The following NXN variants were observed in gnomAD, a reference collection of about 807,000 sequenced individuals.
NXN encodes nucleoredoxin 1.
In NXN, 16 loss-of-function variants were observed where a neutral mutation model predicts 48.6. The observed-to-expected ratio is 0.33, with a 90% CI of 0.22 to 0.50. The LOEUF is 0.50. Ranked by LOEUF, NXN falls within the 20% of genes least tolerant of loss-of-function variation. The pLI is 0.98. For missense variants in NXN, 492 were observed against 605.5 expected, an observed-to-expected ratio of 0.81 and a Z score of 1.97; for synonymous variants, 281 against 269.6, an observed-to-expected ratio of 1.04 and a Z score of -0.41.
At chr17:847,170 G>C (rs984834592) in intron 1 of NXN, among the ~76,000 whole-genome samples, 2 of 152,068 alleles carry the variant, frequency 1.3e-5, no homozygotes, top group Middle Eastern at 3.4e-3. Flanking sequence ...GGAGCCACTA[G>C]CACTCGGCAC....
chr17:830,557 G>A lies in NXN; in HGVS notation c.361-4479C>T, dbSNP rs559524609. 1.3e-5 allele frequency among the ~76,000 whole-genome samples: 2 copies of A among 152,282 alleles called. No homozygotes were observed. Among genetic ancestry groups the A allele is most frequent in the East Asian group, 3.9e-4 (2 of 5,180 alleles). On this transcript the variant is annotated intron_variant, in intron 1 of 7. Coordinates refer to ENST00000336868, the MANE Select transcript of NXN (RefSeq NM_022463.5). This position sits in a 1 kb window ranked among gnomAD's most constrained non-coding sequence, Gnocchi z 4.2. ...AAGAGCCCGTGTGGAGGCTGACTGCGAAAGTCTGAGTAGATGAGAGAACCA... is the reference window on the plus strand; with the variant it reads ...AAGAGCCCGTGTGGAGGCTGACTGCAAAAGTCTGAGTAGATGAGAGAACCA...
chr17:955,651 C>T (rs998558014), intron 1 of NXN, among the ~76,000 whole-genome samples: 1 of 148,804 alleles, frequency 6.7e-6, no homozygotes, highest in South Asian at 2.1e-4. Context: ...AATCCCAGCA[C>T]CTCGGGAGGC....
intron 1 of NXN, among the ~76,000 whole-genome samples, chr17:868,622 G>A (rs1377796690): frequency 6.6e-6 from 1 of 152,130 alleles, no homozygotes; most frequent in Admixed American, 6.5e-5. Context: ...CTCCCGAGTA[G>A]CTGGGACAAC....
At chr17:912,313 G>A (rs567853747) in intron 1 of NXN, among the ~76,000 whole-genome samples, 41 of 152,120 alleles carry the variant, frequency 2.7e-4, no homozygotes, top group African/African-American at 8.9e-4. Context: ...TCAAACCAAC[G>A]TTGTTTGAGG....
At chr17:972,117 A>G (rs965827748) in intron 1 of NXN, among the ~76,000 whole-genome samples, 1 of 152,194 alleles carries the variant, frequency 6.6e-6, no homozygotes, top group Non-Finnish European at 1.5e-5. Context: ...CCAGACCAAC[A>G]TGGTGAAACC....
chr17:831,402 G>A (rs566230270), intron 1 of NXN, among the ~76,000 whole-genome samples: 36 of 152,192 alleles, frequency 2.4e-4, no homozygotes, highest in African/African-American at 8.2e-4. Flanking sequence ...GGGGAGGTGG[G>A]TCTTGGAACC....
chr17:860,293 T>G (rs1203504149), intron 1 of NXN, among the ~76,000 whole-genome samples: 3 of 151,798 alleles, frequency 2.0e-5, no homozygotes, highest in African/African-American at 7.3e-5. Flanking sequence ...CCGGCTAATT[T>G]TTGTATTTTC....
chr17:811,968 C>T (rs1370671881), intron 5 of NXN, among the ~76,000 whole-genome samples: 2 of 146,516 alleles, frequency 1.4e-5, no homozygotes, highest in Non-Finnish European at 3.0e-5. Flanking sequence ...CGCTCTGTCG[C>T]CCAGGCTGGA....
chr17:909,969 C>G (rs750156631), intron 1 of NXN: 1 of 152,186 alleles, frequency 6.6e-6, no homozygotes, highest in South Asian at 2.1e-4. Flanking sequence ...TATCTATCCA[C>G]TATGGATCTT....
chr17:896,374 G>A (rs368451813), intron 1 of NXN, among the ~76,000 whole-genome samples: 19 of 151,262 alleles, frequency 1.3e-4, no homozygotes, highest in African/African-American at 4.4e-4. Flanking sequence ...AGCAAGGCAT[G>A]GTGGCGTGTG....
intron 1 of NXN, among the ~76,000 whole-genome samples, chr17:904,064 G>A (rs763000680): frequency 1.2e-4 from 19 of 152,158 alleles, no homozygotes; most frequent in Non-Finnish European, 2.1e-4. Context: ...TAACTTTAAC[G>A]TAAATTTTTT....
At chr17:955,211 A>G (rs1364676624) in intron 1 of NXN, among the ~76,000 whole-genome samples, 1 of 131,664 alleles carries the variant, frequency 7.6e-6, no homozygotes, top group East Asian at 2.2e-4. Context: ...TCTGTCACCC[A>G]GGCTGGAGTG....
chr17:815,791 C>T (rs574620828), intron 5 of NXN, among the ~76,000 whole-genome samples: 5 of 152,326 alleles, frequency 3.3e-5, no homozygotes, highest in Admixed American at 2.0e-4. Context: ...AACGTGCCTC[C>T]GGATCATGTG....
intron 1 of NXN, among the ~76,000 whole-genome samples, chr17:954,657 C>T (rs2069146491): frequency 6.6e-6 from 1 of 152,240 alleles, no homozygotes; most frequent in South Asian, 2.1e-4. Context: ...TCGCAGCTGT[C>T]CCTCAACACC....
At position 917,215 on chromosome 17, in the gene NXN, C is replaced by T. The variant is rs957610797; in HGVS notation, c.360+62104G>A. On this transcript the variant is annotated intron_variant, in intron 1 of 7. Coordinates refer to ENST00000336868, the MANE Select transcript of NXN (RefSeq NM_022463.5). This position sits in a 1 kb window ranked among gnomAD's most constrained non-coding sequence, Gnocchi z 4.5. ...GGAGTGCAATGGCGCGACCTCGGCTCGCCGTGGCCTCCGCCTCGCGGGTTC... is the reference window on the plus strand; with the variant it reads ...GGAGTGCAATGGCGCGACCTCGGCTTGCCGTGGCCTCCGCCTCGCGGGTTC... 6.6e-5 allele frequency among the ~76,000 whole-genome samples: 10 copies of T among 151,862 alleles called. No homozygotes were observed. The highest frequency in any genetic ancestry group is 3.9e-4 in the Admixed American group (6 of 15,276).
intron 1 of NXN, among the ~76,000 whole-genome samples, chr17:941,044 T>C (rs1260987498): frequency 1.4e-5 from 2 of 142,808 alleles, no homozygotes; most frequent in Non-Finnish European, 3.0e-5. Flanking sequence ...GGTGCAGCCA[T>C]GAATTCACCA....
intron 1 of NXN, among the ~76,000 whole-genome samples, chr17:847,484 C>T (rs1352749265): frequency 6.6e-6 from 1 of 152,148 alleles, no homozygotes; most frequent in Non-Finnish European, 1.5e-5. Flanking sequence ...TCTAAATTGG[C>T]CTGGACCGGT....
rs60556500 is a variant in NXN, at chr17:835,456, A to G, written c.361-9378T>C. Among the ~76,000 whole-genome samples the G allele has an allele frequency of 8.8e-3, 1,333 of 152,270 alleles. 26 individuals are homozygous for G. Among genetic ancestry groups the G allele is most frequent in the African/African-American group, 0.03 (1,243 of 41,554 alleles). ...ACAAGATTAGCTCAACTTGGCAAAA[A>G]TGGAAACGGATGACAAAGTGGGTTA... On this transcript the variant is annotated intron_variant, in intron 1 of 7. Coordinates refer to ENST00000336868, the MANE Select transcript of NXN (RefSeq NM_022463.5).
In NXN at chr17:830,398, G is replaced by A. The variant is rs901117631; in HGVS notation, c.361-4320C>T. 2.0e-5 allele frequency among the ~76,000 whole-genome samples: 3 copies of A among 152,058 alleles called. No individual in the cohort carries two copies. Among genetic ancestry groups the A allele is most frequent in the East Asian group, 1.9e-4 (1 of 5,162 alleles). On this transcript the variant is annotated intron_variant, in intron 1 of 7. Transcript: ENST00000336868. The surrounding 1 kb of genome is among the most constrained non-coding windows in gnomAD (Gnocchi z 4.2). ...AAGAAAACAGGGCGGGTAAGATCAC[G>A]GCTGCAACTGGGAAGCTGGGATGGC... is the stretch of plus-strand genomic sequence containing the variant.
Sources: gnomAD v4.1 joint callset for allele counts (sites outside exome capture counted in the v4.1 genomes callset) on GRCh38, gnomAD v4.1.1 for gene constraint, Gnocchi (gnomAD v3.1) non-coding constraint, MANE v1.5 for transcripts, NCBI Gene and HGNC (gene_info 2026-07-23, HGNC 2026-07-21) for gene names.